The following NAV3 variants were observed in gnomAD, a reference collection of about 807,000 sequenced individuals.
NAV3 encodes neuron navigator 3, also known as pore membrane and/or filament interacting like protein 1.
NAV3 carries 87 observed loss-of-function variants against 244.7 expected under a neutral mutation model. The ratio of observed to expected loss-of-function variants is 0.36; its 90% CI spans 0.30 to 0.42. The LOEUF is 0.42. Among genes scored for constraint, NAV3 ranks in the 20% least tolerant of loss-of-function variants. NAV3 has a pLI of 1.00. For synonymous variants in NAV3, 1,126 were observed against 1,042.2 expected (o/e 1.08, Z -1.55); for missense variants, 2,663 against 2,893.3 (o/e 0.92, Z 1.83).
At chr12:77,898,305 AAAAC>A (rs1249337396) in intron 1 of NAV3, among the ~76,000 whole-genome samples, 4 of 152,222 alleles carry the variant, frequency 2.6e-5, no homozygotes, top group African/African-American at 4.8e-5. Context: ...AAGTATATTT[AAAAC>A]ATATTTCAAA....
chr12:77,870,159 G>T (rs1486137506), intron 1 of NAV3, among the ~76,000 whole-genome samples: 1 of 152,126 alleles, frequency 6.6e-6, no homozygotes, highest in East Asian at 1.9e-4. Flanking sequence ...GAGGCCAAGA[G>T]ATCGAGACCA....
At chr12:77,890,904 G>A (rs985829752) in intron 1 of NAV3, among the ~76,000 whole-genome samples, 1 of 152,178 alleles carries the variant, frequency 6.6e-6, no homozygotes, top group Non-Finnish European at 1.5e-5. Flanking sequence ...GCAGAAACTA[G>A]TTCAAAGAGA....
Position 77,617,901 on chromosome 12 carries a change from C to T in NAV3, c.72+45635C>T, listed in dbSNP as rs139835124. Among the ~76,000 whole-genome samples, 92 of 152,282 alleles carry T rather than the reference C, an allele frequency of 6.0e-4. 1 individual carries two copies. Among genetic ancestry groups the T allele is most frequent in the African/African-American group, 2.2e-3 (91 of 41,558 alleles). On this transcript the variant is annotated intron_variant, in intron 2 of 8. Transcript: ENST00000550042. ...TTTACAATTTTCAAGTCATTATCTA[C>T]AGAGCAGTTAAGGGAAACTATAATC...
chr12:77,933,852 G>A (rs1470242676), intron 1 of NAV3, among the ~76,000 whole-genome samples: 2 of 152,148 alleles, frequency 1.3e-5, no homozygotes, highest in African/African-American at 4.8e-5. Flanking sequence ...AAAATAGTAT[G>A]TATTGTGTCT....
intron 30 of NAV3, among the ~76,000 whole-genome samples, chr12:78,182,228 C>G (rs1298250142): frequency 6.6e-6 from 1 of 152,010 alleles, no homozygotes; most frequent in African/African-American, 2.4e-5. Flanking sequence ...AAAGTATTAT[C>G]CACACTCAAC....
At position 78,179,674 on chromosome 12, in the gene NAV3, C is replaced by A. The variant is rs867189209; in HGVS notation, c.5509C>A (p.Arg1837=). The change falls in exon 29 of 40, where the codon CGG becomes AGG. Residue 1837 remains arginine, a synonymous_variant. Transcript: ENST00000397909. ...HLDQIREAMN[R]MQNEIEILKA... is the part of the protein sequence containing the mutation. ...TGATCAGATCCGGGAAGCCATGAAC[C>A]GGATGCAGGTTGGTACTGAAGCACT... is the stretch of plus-strand genomic sequence containing the variant. 1.2e-6 allele frequency: 2 copies of A among 1,611,140 alleles called. No individual in the cohort carries two copies. The highest frequency in any genetic ancestry group is 1.7e-6 in the Non-Finnish European group (2 of 1,178,560).
intron 2 of NAV3, among the ~76,000 whole-genome samples, chr12:77,712,825 A>C (rs1689073385): frequency 1.3e-5 from 2 of 152,212 alleles, no homozygotes; most frequent in Non-Finnish European, 2.9e-5. Flanking sequence ...AATGACTCTT[A>C]TTGACATATA....
chr12:77,780,643 A>G (rs980743796), intron 2 of NAV3, among the ~76,000 whole-genome samples: 1 of 152,058 alleles, frequency 6.6e-6, no homozygotes, highest in South Asian at 2.1e-4. Context: ...TGGGTCCCCA[A>G]CCCCCAACAG....
intron 2 of NAV3, among the ~76,000 whole-genome samples, chr12:77,770,158 C>T (rs1271907639): frequency 6.6e-6 from 1 of 151,816 alleles, no homozygotes; most frequent in Non-Finnish European, 1.5e-5. Context: ...TTTTTTTCCC[C>T]CAGTGCTGTT....
At chr12:77,810,347 A>G (rs1163837199) in intron 2 of NAV3, among the ~76,000 whole-genome samples, 1 of 151,882 alleles carries the variant, frequency 6.6e-6, no homozygotes, top group Non-Finnish European at 1.5e-5. Flanking sequence ...AATTTTTTGT[A>G]TTTTTAGTAG....
intron 2 of NAV3, among the ~76,000 whole-genome samples, chr12:77,743,345 T>G (rs1668618573): frequency 6.6e-6 from 1 of 151,866 alleles, no homozygotes; most frequent in Non-Finnish European, 1.5e-5. Flanking sequence ...ATATGAGGAT[T>G]TTTTCGACTA....
intron 2 of NAV3, among the ~76,000 whole-genome samples, chr12:77,653,825 T>C (rs144479970): frequency 1.2e-3 from 185 of 152,300 alleles, no homozygotes; most frequent in African/African-American, 4.3e-3. Context: ...TATAGCTCTG[T>C]ACACATACAC....
At chr12:77,976,832 C>A (rs144742251) in intron 5 of NAV3, among the ~76,000 whole-genome samples, 2,737 of 151,842 alleles carry the variant, frequency 0.018, 45 homozygotes, top group Non-Finnish European at 0.03. Flanking sequence ...GCACACGCCA[C>A]CACATCTGGC....
chr12:77,992,604 T>G (rs1025491832), intron 5 of NAV3, among the ~76,000 whole-genome samples: 2 of 152,180 alleles, frequency 1.3e-5, no homozygotes, highest in Non-Finnish European at 2.9e-5. Flanking sequence ...TTGGTGCCGA[T>G]GGATGGGAAT....
At chr12:77,910,928 G>A (rs1824882) in intron 1 of NAV3, among the ~76,000 whole-genome samples, 16,801 of 152,112 alleles carry the variant, frequency 0.11, 1,068 homozygotes, top group South Asian at 0.2. Context: ...GAAGTAGTAT[G>A]GACACTTATC....
chr12:78,196,057 A>G (rs1380068802), intron 34 of NAV3, among the ~76,000 whole-genome samples: 6 of 152,072 alleles, frequency 3.9e-5, no homozygotes, highest in East Asian at 3.8e-4. Flanking sequence ...TAGACAGTGC[A>G]TATTTTATAA....
chr12:77,620,861 G>A (rs1871343667), intron 2 of NAV3, among the ~76,000 whole-genome samples: 1 of 152,170 alleles, frequency 6.6e-6, no homozygotes, highest in Non-Finnish European at 1.5e-5. Flanking sequence ...TAAATGCGAA[G>A]TTGAAAATTT....
intron 2 of NAV3, among the ~76,000 whole-genome samples, chr12:77,751,721 A>C (rs1237996366): frequency 6.6e-6 from 1 of 152,148 alleles, no homozygotes; most frequent in Non-Finnish European, 1.5e-5. Context: ...TAATACATAC[A>C]TTGTTCCTTT....
At chr12:77,724,193 C>T in intron 2 of NAV3, among the ~76,000 whole-genome samples, 1 of 151,984 alleles carries the variant, frequency 6.6e-6, no homozygotes, top group South Asian at 2.1e-4. Context: ...ATAAAAATTG[C>T]ATTTTTCATA....
Sources: gnomAD v4.1 joint callset for allele counts (sites outside exome capture counted in the v4.1 genomes callset) on GRCh38, gnomAD v4.1.1 for gene constraint, MANE v1.5 for transcripts, NCBI Gene and HGNC (gene_info 2026-07-23, HGNC 2026-07-21) for gene names.